The following BRINP3 variants were observed in gnomAD, a reference collection of about 807,000 sequenced individuals.
BRINP3 encodes BMP/retinoic acid-inducible neural-specific protein 3.
Under a neutral mutation model 71.0 loss-of-function variants are expected in BRINP3, and 19 were observed. That is an observed-to-expected ratio of 0.27 (90% CI 0.19 to 0.39). The LOEUF is 0.39. Ranked by LOEUF, BRINP3 falls within the 10% of genes least tolerant of loss-of-function variation. BRINP3 has a pLI of 1.00. For missense variants in BRINP3, 959 were observed against 940.8 expected, an observed-to-expected ratio of 1.02 and a Z score of -0.25; for synonymous variants, 380 against 337.7, an observed-to-expected ratio of 1.13 and a Z score of -1.37.
At chr1:190,192,519 T>C (rs1208980309) in intron 6 of BRINP3, among the ~76,000 whole-genome samples, 3 of 148,226 alleles carry the variant, frequency 2.0e-5, no homozygotes, top group Non-Finnish European at 4.4e-5. Flanking sequence ...TTGATATTAG[T>C]TTAGTTTTTT....
At chr1:190,258,807 G>C (rs1338893488) in intron 4 of BRINP3, among the ~76,000 whole-genome samples, 3 of 152,172 alleles carry the variant, frequency 2.0e-5, no homozygotes, top group Non-Finnish European at 4.4e-5. Flanking sequence ...GGTGAGGACA[G>C]TGATAAATGT....
intron 7 of BRINP3, among the ~76,000 whole-genome samples, chr1:190,121,711 T>A (rs953333495): frequency 6.6e-6 from 1 of 152,188 alleles, no homozygotes; most frequent in Non-Finnish European, 1.5e-5. Context: ...TCATTTTAGA[T>A]ACTATTGTGT....
intron 2 of BRINP3, among the ~76,000 whole-genome samples, chr1:190,409,860 A>G (rs926982115): frequency 1.3e-5 from 2 of 152,160 alleles, no homozygotes; most frequent in East Asian, 3.9e-4. Flanking sequence ...GTAATGAATG[A>G]GAGAGGCAGA....
At chr1:190,459,035 G>A (rs1676201745) in intron 1 of BRINP3, among the ~76,000 whole-genome samples, 1 of 150,160 alleles carries the variant, frequency 6.7e-6, no homozygotes, top group Admixed American at 6.6e-5. Flanking sequence ...GTTTAATTAA[G>A]TATTTATGGT....
intron 6 of BRINP3, among the ~76,000 whole-genome samples, chr1:190,192,960 A>T (rs1654177316): frequency 6.6e-6 from 1 of 152,124 alleles, no homozygotes; most frequent in Non-Finnish European, 1.5e-5. Context: ...TTGGTGAGTG[A>T]TATAGTAAAC....
intron 2 of BRINP3, among the ~76,000 whole-genome samples, chr1:190,422,231 G>A (rs138388597): frequency 4.6e-5 from 7 of 151,780 alleles, no homozygotes; most frequent in South Asian, 4.2e-4. Context: ...GTGTGCCTGC[G>A]TCCATTAAAT....
At position 190,187,397 on chromosome 1, in the gene BRINP3, A is replaced by G. The variant is rs558070157; in HGVS notation, c.962-26507T>C. On this transcript the variant is annotated intron_variant, in intron 6 of 7. Transcript: ENST00000367462. ...TTTTTTATTTTTATGTAATCCTATT[A>G]GTATACTTTTGCTTTTGTTGCCTGT... Among the ~76,000 whole-genome samples the G allele has an allele frequency of 1.2e-3, 187 of 152,118 alleles. 2 individuals carry two copies. Among genetic ancestry groups the G allele is most frequent in the Admixed American group, 2.0e-3 (30 of 15,252 alleles).
At chr1:190,134,070 T>C (rs930419608) in intron 7 of BRINP3, among the ~76,000 whole-genome samples, 9 of 151,902 alleles carry the variant, frequency 5.9e-5, no homozygotes, top group African/African-American at 1.7e-4. Flanking sequence ...TCTCAATATA[T>C]AAGTGAAATA....
intron 4 of BRINP3, among the ~76,000 whole-genome samples, chr1:190,242,089 A>G (rs1274550522): frequency 6.6e-6 from 1 of 151,948 alleles, no homozygotes; most frequent in South Asian, 2.1e-4. Context: ...TTCTGAGCTT[A>G]TTTTTAGTAA....
chr1:190,322,999 G>T (rs983265720), intron 2 of BRINP3, among the ~76,000 whole-genome samples: 1 of 151,970 alleles, frequency 6.6e-6, no homozygotes, highest in Non-Finnish European at 1.5e-5. Flanking sequence ...TGACCATATT[G>T]TACTTTGAGG....
At chr1:190,465,575 G>T (rs1374616586) in intron 1 of BRINP3, among the ~76,000 whole-genome samples, 1 of 151,908 alleles carries the variant, frequency 6.6e-6, no homozygotes, top group African/African-American at 2.4e-5. Context: ...TCTTTAGCAA[G>T]AATCCTGTTA....
chr1:190,442,100 G>A (rs1381773121), intron 2 of BRINP3, among the ~76,000 whole-genome samples: 3 of 152,070 alleles, frequency 2.0e-5, no homozygotes, highest in Non-Finnish European at 2.9e-5. Context: ...AAGGATTATA[G>A]TCTGTTACTT....
intron 2 of BRINP3, among the ~76,000 whole-genome samples, chr1:190,401,530 G>A (rs765706295): frequency 6.6e-5 from 10 of 152,006 alleles, no homozygotes; most frequent in Admixed American, 1.3e-4. Flanking sequence ...CTAGTAAGGA[G>A]AGCATCACCA....
At chr1:190,401,809 T>C (rs914288955) in intron 2 of BRINP3, among the ~76,000 whole-genome samples, 3 of 152,170 alleles carry the variant, frequency 2.0e-5, no homozygotes, top group African/African-American at 7.2e-5. Context: ...ATAATGTTAT[T>C]TTTAAATAAA....
At chr1:190,333,817 G>A (rs1667115341) in intron 2 of BRINP3, among the ~76,000 whole-genome samples, 1 of 151,760 alleles carries the variant, frequency 6.6e-6, no homozygotes, top group African/African-American at 2.4e-5. Flanking sequence ...ATCTTTTTGA[G>A]TCCTAGGCTG....
intron 2 of BRINP3, among the ~76,000 whole-genome samples, chr1:190,375,206 G>A (rs1283808880): frequency 1.3e-5 from 2 of 151,700 alleles, no homozygotes; most frequent in Non-Finnish European, 2.9e-5. Context: ...ACTAAGAAAC[G>A]CAAATGGTTT....
intron 2 of BRINP3, among the ~76,000 whole-genome samples, chr1:190,391,928 G>T (rs547998274): frequency 4.0e-5 from 6 of 151,700 alleles, no homozygotes; most frequent in African/African-American, 1.4e-4. Flanking sequence ...CATCATTTTT[G>T]GTTCCACGAT....
chr1:190,134,357 T>G (rs1486613927), intron 7 of BRINP3, among the ~76,000 whole-genome samples: 1 of 151,946 alleles, frequency 6.6e-6, no homozygotes, highest in Non-Finnish European at 1.5e-5. Flanking sequence ...ATGAGTTCAT[T>G]GAGAGTGACA....
intron 2 of BRINP3, among the ~76,000 whole-genome samples, chr1:190,382,511 A>G (rs548382164): frequency 1.3e-5 from 2 of 152,270 alleles, no homozygotes; most frequent in African/African-American, 4.8e-5. Context: ...ACAATGAGCA[A>G]AGATTTGATT....
Sources: allele counts gnomAD v4.1 joint callset (sites outside exome capture counted in the v4.1 genomes callset), GRCh38; gene constraint gnomAD v4.1.1; transcripts MANE v1.5; gene names NCBI Gene and HGNC (gene_info 2026-07-23, HGNC 2026-07-21).